The following FSHR variants were observed in gnomAD, a reference collection of about 807,000 sequenced individuals.
The protein encoded by FSHR is follicle-stimulating hormone receptor.
Under a neutral mutation model 52.1 loss-of-function variants are expected in FSHR, and 46 were observed. The ratio of observed to expected loss-of-function variants is 0.88; its 90% CI spans 0.70 to 1.13. The LOEUF (loss-of-function observed/expected upper bound fraction) is 1.13, where lower values mean the gene tolerates loss of function less well. FSHR is among the 50% of genes most tolerant of loss of function. The pLI is 0.00. For synonymous variants in FSHR, 399 were observed against 309.6 expected (o/e 1.29, Z -3.03); for missense variants, 964 against 834.6 (o/e 1.16, Z -1.91).
chr2:48,978,940 A>G (rs1675114356), intron 8 of FSHR, among the ~76,000 whole-genome samples: 1 of 152,178 alleles, frequency 6.6e-6, no homozygotes. Context: ...CCACTGGAGA[A>G]AAAGGACTGA....
rs545088437 is a variant in FSHR at position 49,128,858 on chromosome 2, C to G, written c.152+25408G>C. Among the ~76,000 whole-genome samples, 6 of 152,090 alleles carry G rather than the reference C, an allele frequency of 3.9e-5. No homozygotes were observed. In the South Asian group the frequency reaches 1.0e-3, roughly 26 times the overall value. On this transcript the variant is annotated intron_variant, in intron 1 of 9. Coordinates refer to ENST00000406846, the MANE Select transcript of FSHR (RefSeq NM_000145.4). ...CTTTGAAGAATGACGAAAAATAGAA[C>G]TGATATCAGAAGACAGGAGAATAAC... is the stretch of plus-strand genomic sequence containing the variant.
At chr2:48,974,789 G>T (rs563991802) in intron 8 of FSHR, among the ~76,000 whole-genome samples, 100 of 152,220 alleles carry the variant, frequency 6.6e-4, no homozygotes, top group Middle Eastern at 3.4e-3. Context: ...AGTAGATCTT[G>T]TTCAGATCTT....
At chr2:49,045,413 A>G (rs1264263787) in intron 2 of FSHR, among the ~76,000 whole-genome samples, 1 of 152,218 alleles carries the variant, frequency 6.6e-6, no homozygotes, top group African/African-American at 2.4e-5. Context: ...TATGTAGGAG[A>G]CATTGAACAG....
intron 1 of FSHR, among the ~76,000 whole-genome samples, chr2:49,108,948 C>A (rs1214598147): frequency 6.6e-6 from 1 of 152,082 alleles, no homozygotes; most frequent in Non-Finnish European, 1.5e-5. Context: ...CAAAATCCTG[C>A]CTTTTTGGTG....
At position 48,963,014 on chromosome 2, in the gene FSHR, T is replaced by A; in HGVS notation, c.1807A>T (p.Thr603Ser). The change falls in exon 10 of 10, where the codon ACT (threonine) becomes TCT (serine). Residue 603 changes from threonine (T) to serine (S), a missense_variant. Physicochemically the swap from Thr to Ser is moderately conservative, Grantham distance 58. Transcript: ENST00000406846. ...ISASLKVPLI[T>S]VSKAKILLVL... The stretch of plus-strand genomic sequence containing the variant: ...AGCAGAATCTTTGCTTTGGACACAG[T>A]GATGAGGGGCACCTTGAGGGAGGCA... 1 of 1,613,926 alleles carries A rather than the reference T, an allele frequency of 6.2e-7. No homozygotes were observed. Among genetic ancestry groups the A allele is most frequent in the Non-Finnish European group, 8.5e-7 (1 of 1,179,970 alleles).
At chr2:49,083,426 A>G (rs1177398132) in intron 1 of FSHR, among the ~76,000 whole-genome samples, 1 of 151,640 alleles carries the variant, frequency 6.6e-6, no homozygotes, top group Non-Finnish European at 1.5e-5. Flanking sequence ...CTAGGAAGAA[A>G]CTGCATCAAC....
At chr2:49,054,348 T>C (rs928141788) in intron 2 of FSHR, among the ~76,000 whole-genome samples, 10 of 152,024 alleles carry the variant, frequency 6.6e-5, no homozygotes, top group African/African-American at 2.4e-4. Context: ...TAAGCAACCT[T>C]GCACCCACAT....
At chr2:49,011,760 C>T (rs1667283155) in intron 4 of FSHR, among the ~76,000 whole-genome samples, 1 of 152,072 alleles carries the variant, frequency 6.6e-6, no homozygotes, top group Non-Finnish European at 1.5e-5. Context: ...ACAGGTGCCA[C>T]TGGATTCTTT....
rs878929842 is a variant in FSHR at position 48,983,251 on chromosome 2, C to A, written c.525-85G>T. On this transcript the variant is annotated intron_variant, in intron 6 of 9. Transcript: ENST00000406846. ...CATAATTGGAAGCACTGAGCAAGGG[C>A]AGACAGCACAGGTTAGTGGCATAAA... 14 of 1,232,180 alleles carry A rather than the reference C, an allele frequency of 1.1e-5. No individual in the cohort carries two copies. In the South Asian group the frequency reaches 1.7e-4, roughly 15 times the overall value. The allele number at this position is 1,232,180 out of a possible 1,614,324, so 76.3% of individuals were successfully genotyped here. A position where few individuals can be genotyped will look rare whatever the true frequency, so the allele number is the denominator to read the frequency against.
chr2:48,978,423 G>C (rs1353981773), intron 8 of FSHR, among the ~76,000 whole-genome samples: 2 of 152,212 alleles, frequency 1.3e-5, no homozygotes, highest in African/African-American at 2.4e-5. Flanking sequence ...GGGTACACTG[G>C]TAATGGAAGA....
intron 2 of FSHR, among the ~76,000 whole-genome samples, chr2:49,031,595 T>C (rs1668104958): frequency 6.6e-6 from 1 of 152,196 alleles, no homozygotes; most frequent in South Asian, 2.1e-4. Flanking sequence ...TTTTCATTAA[T>C]GCACTCTAGT....
At chr2:49,103,365 C>G (rs1243067378) in intron 1 of FSHR, among the ~76,000 whole-genome samples, 2 of 152,164 alleles carry the variant, frequency 1.3e-5, no homozygotes, top group African/African-American at 2.4e-5. Flanking sequence ...TGGCAAATCT[C>G]TCACAACACA....
chr2:49,118,245 G>A (rs1046433530), intron 1 of FSHR, among the ~76,000 whole-genome samples: 3 of 152,112 alleles, frequency 2.0e-5, no homozygotes, highest in Non-Finnish European at 2.9e-5. Context: ...GAGGAAAGGA[G>A]CAAGGAGGGG....
intron 1 of FSHR, among the ~76,000 whole-genome samples, chr2:49,110,637 G>C (rs921084215): frequency 6.6e-6 from 1 of 152,010 alleles, no homozygotes; most frequent in African/African-American, 2.4e-5. Context: ...AGCTGGTAAA[G>C]GATTTTGCAA....
At chr2:49,016,107 CTTA>C (rs893763760) in intron 4 of FSHR, among the ~76,000 whole-genome samples, 4 of 152,138 alleles carry the variant, frequency 2.6e-5, no homozygotes, top group Non-Finnish European at 4.4e-5. Flanking sequence ...CCCAGTGTTT[CTTA>C]TTATACCTGT....
At chr2:49,060,242 C>A (rs1572692604) in intron 2 of FSHR, among the ~76,000 whole-genome samples, 1 of 152,008 alleles carries the variant, frequency 6.6e-6, no homozygotes, top group East Asian at 1.9e-4. Flanking sequence ...GTTCGTGGGA[C>A]TATAAACAGT....
intron 4 of FSHR, among the ~76,000 whole-genome samples, chr2:48,994,028 T>C (rs1483866460): frequency 6.6e-6 from 1 of 152,198 alleles, no homozygotes; most frequent in East Asian, 1.9e-4. Flanking sequence ...TCAACCAGAT[T>C]GTGAATCATA....
chr2:49,078,272 AC>A (rs1285270327), intron 1 of FSHR, among the ~76,000 whole-genome samples: 3 of 151,888 alleles, frequency 2.0e-5, no homozygotes, highest in Non-Finnish European at 4.4e-5. Flanking sequence ...GTGCAGGGGA[AC>A]TCCTCTTTTT....
chr2:48,979,682 C>T (rs1675155515), intron 8 of FSHR, among the ~76,000 whole-genome samples: 1 of 152,200 alleles, frequency 6.6e-6, no homozygotes, highest in Non-Finnish European at 1.5e-5. Context: ...CAGATCTCCC[C>T]ATGGGATCAG....
Sources: gnomAD v4.1 joint callset for allele counts (sites outside exome capture counted in the v4.1 genomes callset) on GRCh38, gnomAD v4.1.1 for gene constraint, MANE v1.5 for transcripts, NCBI Gene and HGNC (gene_info 2026-07-23, HGNC 2026-07-21) for gene names.